TACC2: variants seen among roughly 807,000 people sequenced by gnomAD.
The protein encoded by TACC2 is transforming acidic coiled-coil-containing protein 2.
In TACC2, 137 loss-of-function variants were observed where a neutral mutation model predicts 227.3. That is an observed-to-expected ratio of 0.60 (90% CI 0.52 to 0.69). The LOEUF (loss-of-function observed/expected upper bound fraction) is 0.69, where lower values mean the gene tolerates loss of function less well. Among genes scored for constraint, TACC2 ranks in the 30% least tolerant of loss-of-function variants. The pLI is 0.00. For missense variants in TACC2, 3,470 were observed against 3,694.4 expected (o/e 0.94, Z 1.57); for synonymous variants, 1,523 against 1,487.5 (o/e 1.02, Z -0.55).
At chr10:122,190,989 G>A (rs182975672) in intron 7 of TACC2, among the ~76,000 whole-genome samples, 1 of 152,324 alleles carries the variant, frequency 6.6e-6, no homozygotes, top group Non-Finnish European at 1.5e-5. Flanking sequence ...AGATTTTAGA[G>A]ACAGGCAGTT....
intron 8 of TACC2, among the ~76,000 whole-genome samples, chr10:122,203,958 C>T (rs1013289058): frequency 1.3e-4 from 20 of 151,796 alleles, no homozygotes; most frequent in Non-Finnish European, 2.1e-4. Context: ...GGGCTGGAGA[C>T]CAGCCCGGCC....
chr10:122,158,394 CA>C (rs78072020), intron 7 of TACC2, among the ~76,000 whole-genome samples: 5,177 of 137,484 alleles, frequency 0.038, 240 homozygotes, highest in East Asian at 0.24. Flanking sequence ...GACTCCATCT[CA>C]AAAAAAAAAA....
At chr10:122,058,344 G>A (rs1237676788) in intron 3 of TACC2, among the ~76,000 whole-genome samples, 4 of 152,214 alleles carry the variant, frequency 2.6e-5, no homozygotes, top group East Asian at 1.9e-4. Context: ...TGCAAAGCGC[G>A]GAAGCGCTTC....
At chr10:122,009,976 A>G (rs1955721044) in intron 1 of TACC2, among the ~76,000 whole-genome samples, 2 of 152,204 alleles carry the variant, frequency 1.3e-5, no homozygotes, top group South Asian at 4.1e-4. Context: ...TTTAATTTAA[A>G]TAATAAAGTA....
intron 7 of TACC2, chr10:122,163,918 A>C (rs1200245919): frequency 6.4e-7 from 1 of 1,571,056 alleles, no homozygotes; most frequent in Non-Finnish European, 8.6e-7. Flanking sequence ...GCCAGGGCAC[A>C]GCGAGGATGG....
chr10:122,045,897 G>A (rs761846205), intron 2 of TACC2, among the ~76,000 whole-genome samples: 8 of 152,226 alleles, frequency 5.3e-5, no homozygotes, highest in Non-Finnish European at 1.0e-4. Flanking sequence ...GAAGTGGGCC[G>A]GGTGCCATGG....
intron 16 of TACC2, 68 bp from the exon 17 acceptor site, chr10:122,237,327 G>T (rs1205707098): frequency 1.4e-6 from 2 of 1,450,984 alleles, no homozygotes; most frequent in Admixed American, 4.4e-5. Flanking sequence ...ATGAGAGGGT[G>T]AGTGTAATCC....
chr10:122,237,978 A>C lies in TACC2; in HGVS notation c.8289A>C (p.Arg2763Ser). 6.2e-7 allele frequency: 1 copy of C among 1,613,920 alleles called. No individual in the cohort carries two copies. Among genetic ancestry groups the C allele is most frequent in the Non-Finnish European group, 8.5e-7 (1 of 1,179,884 alleles). Reference sequence around the variant, plus strand: ...GAAACTAGATCATAACCAAGGAGAGAGAGGTCTCAGAATGGAAAGATAAAT... The same window carrying C: ...GAAACTAGATCATAACCAAGGAGAGCGAGGTCTCAGAATGGAAAGATAAAT... ...IARAEIITKE[R>S]EVSEWKDKYE... Residue 2763 changes from arginine to serine, a missense_variant, in exon 18 of 23, where the codon AGA becomes AGC. By Grantham distance (110) the Arg-to-Ser change is moderately radical. Transcript: ENST00000369005.
In TACC2 at chr10:122,237,693, G is replaced by A. The variant is rs577161440; in HGVS notation, c.8271+155G>A. ...ACCATGCGTTTTGATCTTCCTAGAC[G>A]CTATCGTGTAATGGGCCTTTTGGCC... On this transcript the variant is annotated intron_variant, in intron 17 of 22. Coordinates refer to ENST00000369005, the MANE Select transcript of TACC2 (RefSeq NM_206862.4). Among the ~76,000 whole-genome samples, 8 of 152,342 alleles carry A rather than the reference G, an allele frequency of 5.3e-5. No homozygotes were observed. In the South Asian group the frequency reaches 1.0e-3, roughly 20 times the overall value.
At chr10:122,002,702 A>G (rs1954553317) in intron 1 of TACC2, among the ~76,000 whole-genome samples, 1 of 152,084 alleles carries the variant, frequency 6.6e-6, no homozygotes, top group South Asian at 2.1e-4. Context: ...TAGTGGTGTC[A>G]TTTCTGGCAA....
intron 3 of TACC2, among the ~76,000 whole-genome samples, chr10:122,055,879 T>C (rs11591752): frequency 0.14 from 21,393 of 152,272 alleles, 1,589 homozygotes; most frequent in Non-Finnish European, 0.18. Context: ...GGAATGCTGC[T>C]AACCTTAGCT....
intron 5 of TACC2, among the ~76,000 whole-genome samples, chr10:122,115,737 G>A (rs184406059): frequency 2.0e-5 from 3 of 152,256 alleles, no homozygotes; most frequent in Admixed American, 2.0e-4. Flanking sequence ...GTGTGTATGT[G>A]CATATGTGTA....
chr10:122,128,079 G>C (rs1219112046), intron 5 of TACC2, among the ~76,000 whole-genome samples: 1 of 152,004 alleles, frequency 6.6e-6, no homozygotes, highest in African/African-American at 2.4e-5. Flanking sequence ...GAGTGGGTAA[G>C]TAGAAGTGAC....
intron 3 of TACC2, among the ~76,000 whole-genome samples, chr10:122,070,075 C>T (rs2077864986): frequency 6.6e-6 from 1 of 152,150 alleles, no homozygotes; most frequent in African/African-American, 2.4e-5. Context: ...ACGATCTCAA[C>T]AAAATAGACT....
At chr10:122,249,204 CT>C in intron 21 of TACC2, 48 bp downstream of exon 21, 3 of 1,445,976 alleles carry the variant, frequency 2.1e-6, no homozygotes, top group Non-Finnish European at 2.9e-6. Flanking sequence ...CCCAGCAGCC[CT>C]TTTACCCAGG....
chr10:122,163,880 G>C (rs1264737825), intron 7 of TACC2: 1 of 1,543,316 alleles, frequency 6.5e-7, no homozygotes, highest in East Asian at 2.5e-5. Flanking sequence ...GCGCCAGGAC[G>C]CTGGCCCCGC....
At chr10:122,021,269 C>T (rs10887046) in intron 1 of TACC2, among the ~76,000 whole-genome samples, 21,901 of 149,822 alleles carry the variant, frequency 0.15, 1,858 homozygotes, top group African/African-American at 0.23. Flanking sequence ...CATTAATAAA[C>T]CATGTCACTA....
intron 6 of TACC2, among the ~76,000 whole-genome samples, chr10:122,135,781 C>T (rs1481180508): frequency 1.3e-5 from 2 of 152,240 alleles, no homozygotes; most frequent in Admixed American, 6.5e-5. Context: ...CCAGCACACA[C>T]GTTCTCAGCT....
chr10:122,242,619 C>A (rs2096021440), intron 19 of TACC2, among the ~76,000 whole-genome samples: 1 of 152,166 alleles, frequency 6.6e-6, no homozygotes. Flanking sequence ...AAGTTATAAG[C>A]TACACATCCC....
Sources: allele counts gnomAD v4.1 joint callset (sites outside exome capture counted in the v4.1 genomes callset), GRCh38; gene constraint gnomAD v4.1.1; transcripts MANE v1.5; gene names NCBI Gene and HGNC (gene_info 2026-07-23, HGNC 2026-07-21).